The following UBR3 variants were observed in gnomAD, a reference collection of about 807,000 sequenced individuals.
The protein encoded by UBR3 is ubiquitin protein ligase E3 component n-recognin 3, also known as E3 ubiquitin-protein ligase UBR3.
In UBR3, 85 loss-of-function variants were observed where a neutral mutation model predicts 243.2. That is an observed-to-expected ratio of 0.35 (90% confidence interval 0.29 to 0.42). The LOEUF is 0.42. Ranked by LOEUF, UBR3 falls within the 10% of genes least tolerant of loss-of-function variation. The pLI, the probability that UBR3 is intolerant of heterozygous loss-of-function variation, is 1.00. For synonymous variants in UBR3, 748 were observed against 799.8 expected (o/e 0.94, Z 1.09); for missense variants, 1,686 against 2,300.8 (o/e 0.73, Z 5.47).
intron 10 of UBR3, among the ~76,000 whole-genome samples, chr2:169,908,127 T>C (rs1446938849): frequency 6.6e-6 from 1 of 152,236 alleles, no homozygotes; most frequent in Non-Finnish European, 1.5e-5. Flanking sequence ...TGTGCTTTTG[T>C]TCAAGCTGGT....
chr2:169,859,081 C>CTTTTT (rs575814312), intron 1 of UBR3, among the ~76,000 whole-genome samples: 42 of 99,724 alleles, frequency 4.2e-4, no homozygotes, highest in African/African-American at 7.7e-4. Flanking sequence ...CTCACCATGG[C>CTTTTT]TTTTTTTTTT....
In UBR3 at chr2:169,906,183, T is replaced by C. The variant is rs1476135694; in HGVS notation, c.1779+19T>C. 1 of 1,526,378 alleles carries C rather than the reference T, an allele frequency of 6.6e-7. No homozygotes were observed. The allele number at this position is 1,526,378 out of a possible 1,614,324, so 94.6% of individuals were successfully genotyped here. ...AGTTAGGGTATGTTGGAAATATTTTTGTTAATTTCTGTGTTTAAGAAAAAG... is the reference window on the plus strand; with the variant it reads ...AGTTAGGGTATGTTGGAAATATTTTCGTTAATTTCTGTGTTTAAGAAAAAG... On this transcript the variant is annotated intron_variant, in intron 10 of 38. Coordinates refer to ENST00000272793, the MANE Select transcript of UBR3 (RefSeq NM_172070.4).
At chr2:170,031,367 GT>G (rs989483579) in intron 31 of UBR3, among the ~76,000 whole-genome samples, 3 of 151,898 alleles carry the variant, frequency 2.0e-5, no homozygotes, top group Non-Finnish European at 4.4e-5. Flanking sequence ...TTTTGTCAAA[GT>G]TTTTTTAATA....
intron 7 of UBR3, among the ~76,000 whole-genome samples, chr2:169,895,608 T>C (rs1422896685): frequency 6.6e-6 from 1 of 152,244 alleles, no homozygotes; most frequent in East Asian, 1.9e-4. Flanking sequence ...GAAATAAATA[T>C]GTAGTTACAA....
Position 169,827,710 on chromosome 2 carries a change from C to T in UBR3, c.203C>T (p.Ala68Val). 2.5e-6 allele frequency: 3 copies of T among 1,223,962 alleles called. No individual in the cohort carries two copies. Among genetic ancestry groups the T allele is most frequent in the South Asian group, 8.2e-5 (2 of 24,496 alleles). 75.8% of individuals were successfully genotyped at this position (1,223,962 alleles called of 1,614,324 possible). Residue 68 changes from alanine (A) to valine (V), a missense_variant, in exon 1 of 39, where the codon GCT becomes GTT. By Grantham distance (64) the Ala-to-Val change is moderately conservative. Around this residue, in one of 8 missense-constraint regions of UBR3, gnomAD observed 145 missense variants for 243.8 expected, o/e 0.59. Coordinates refer to ENST00000272793, the MANE Select transcript of UBR3 (RefSeq NM_172070.4). ...VLSAERPLAA[A>V]AGGEDAAAAG... ...AGCGCCGAGCGGCCGCTGGCCGCGGCTGCCGGCGGCGAGGACGCGGCGGCG... is the reference window on the plus strand; with the variant it reads ...AGCGCCGAGCGGCCGCTGGCCGCGGTTGCCGGCGGCGAGGACGCGGCGGCG...
At chr2:169,944,877 G>A (rs2086726215) in intron 20 of UBR3, among the ~76,000 whole-genome samples, 1 of 152,110 alleles carries the variant, frequency 6.6e-6, no homozygotes, top group Non-Finnish European at 1.5e-5. Flanking sequence ...GTGTTCTAGT[G>A]TTGCTTACAC....
chr2:170,002,458 C>G (rs536463887), intron 27 of UBR3, among the ~76,000 whole-genome samples: 9 of 152,332 alleles, frequency 5.9e-5, no homozygotes, highest in Admixed American at 1.3e-4. Context: ...CAGATTCTGT[C>G]TCTTCCTTTG....
chr2:169,892,511 C>T (rs1046305354), intron 6 of UBR3, among the ~76,000 whole-genome samples: 1 of 152,070 alleles, frequency 6.6e-6, no homozygotes, highest in Non-Finnish European at 1.5e-5. Context: ...AATACCTGAA[C>T]TTTTTTCACA....
chr2:170,028,083 T>C (rs2090577312), intron 30 of UBR3, among the ~76,000 whole-genome samples: 1 of 151,954 alleles, frequency 6.6e-6, no homozygotes, highest in South Asian at 2.1e-4. Context: ...CATTGACTTA[T>C]AAATAGGAGA....
At chr2:169,924,292 AGTT>A in intron 13 of UBR3, 119 bp downstream of exon 13, 2 of 762,942 alleles carry the variant, frequency 2.6e-6, no homozygotes, top group South Asian at 2.2e-5. Flanking sequence ...TTTTTTAAAA[AGTT>A]GTTATTGTAT....
At chr2:169,956,729 C>T (rs1041048602) in intron 23 of UBR3, among the ~76,000 whole-genome samples, 1 of 152,128 alleles carries the variant, frequency 6.6e-6, no homozygotes, top group African/African-American at 2.4e-5. Flanking sequence ...TCCTGATTAT[C>T]CCCACTAATT....
chr2:169,954,514 A>T (rs574959747), intron 23 of UBR3, among the ~76,000 whole-genome samples: 4 of 150,636 alleles, frequency 2.7e-5, no homozygotes, highest in African/African-American at 9.8e-5. Context: ...AAGTGGTGTG[A>T]TAACAGGCAT....
At chr2:170,013,055 A>G (rs115230986) in intron 29 of UBR3, among the ~76,000 whole-genome samples, 275 of 152,132 alleles carry the variant, frequency 1.8e-3, no homozygotes, top group African/African-American at 6.3e-3. Flanking sequence ...ATTTGAATGT[A>G]TTTGTGTTAG....
chr2:169,885,611 A>G (rs2084062008), intron 5 of UBR3, among the ~76,000 whole-genome samples: 1 of 151,974 alleles, frequency 6.6e-6, no homozygotes, highest in Non-Finnish European at 1.5e-5. Flanking sequence ...AAAAGAAAAC[A>G]TTTACATTTA....
intron 24 of UBR3, among the ~76,000 whole-genome samples, chr2:169,978,533 C>CA (rs1018763700): frequency 6.6e-6 from 1 of 151,936 alleles, no homozygotes; most frequent in Non-Finnish European, 1.5e-5. Flanking sequence ...AGGGTATAGC[C>CA]ACTATTTGGG....
chr2:170,051,955 T>G (rs2091229037), intron 32 of UBR3, among the ~76,000 whole-genome samples: 2 of 152,180 alleles, frequency 1.3e-5, no homozygotes, highest in South Asian at 4.1e-4. Context: ...TTTTATCTTT[T>G]TTCCCATAGC....
rs747734159 is a variant in UBR3 at position 170,040,980 on chromosome 2, G to C, written c.4655G>C (p.Arg1552Pro). 6.2e-7 allele frequency: 1 copy of C among 1,609,096 alleles called. No homozygotes were observed. Among genetic ancestry groups the C allele is most frequent in the Non-Finnish European group, 8.5e-7 (1 of 1,176,098 alleles). The change falls in exon 32 of 39, where the codon CGC (arginine) becomes CCC (proline). Residue 1552 changes from arginine to proline, a missense_variant. By Grantham distance (103) the Arg-to-Pro change is moderately radical. Around this residue, in one of 8 missense-constraint regions of UBR3, gnomAD observed 371 missense variants for 422.5 expected, o/e 0.88. Coordinates refer to ENST00000272793, the MANE Select transcript of UBR3 (RefSeq NM_172070.4). ...IQILMMPQPL[R>P]KDHFTCIVKV... is the part of the protein sequence containing the mutation. ...ATCTTAATGATGCCACAACCCTTAC[G>C]CAAAGGTATGTCTTTATAATTCAGA...
intron 30 of UBR3, chr2:170,016,792 A>C (rs2090248805): frequency 2.2e-6 from 1 of 447,144 alleles, no homozygotes; most frequent in African/African-American, 2.1e-5. Context: ...TAATTACCAG[A>C]GTCAATTTTG....
chr2:170,012,899 T>A (rs2090126910), intron 29 of UBR3, among the ~76,000 whole-genome samples: 1 of 152,140 alleles, frequency 6.6e-6, no homozygotes, highest in South Asian at 2.1e-4. Flanking sequence ...GACAGCATAC[T>A]TTGGTCATGC....
Sources: allele counts gnomAD v4.1 joint callset (sites outside exome capture counted in the v4.1 genomes callset), GRCh38; gene constraint gnomAD v4.1.1; regional missense constraint gnomAD v4.1.1; transcripts MANE v1.5; gene names NCBI Gene and HGNC (gene_info 2026-07-23, HGNC 2026-07-21).